CBLB: variants seen among roughly 807,000 people sequenced by gnomAD.
CBLB encodes E3 ubiquitin-protein ligase CBL-B.
CBLB carries 31 observed loss-of-function variants against 104.9 expected under a neutral mutation model. That is an observed-to-expected ratio of 0.30 (90% CI 0.22 to 0.40). The LOEUF is 0.40. CBLB is among the 10% of genes least tolerant of loss of function. The probability of loss-of-function intolerance (pLI) is 1.00; values close to 1 mark genes in which losing one functional copy is unlikely to be tolerated. For missense variants in CBLB, 1,062 were observed against 1,214.6 expected, an observed-to-expected ratio of 0.87 and a Z score of 1.87; for synonymous variants, 440 against 422.6, an observed-to-expected ratio of 1.04 and a Z score of -0.51.
chr3:105,807,776 T>A (rs947250676), intron 3 of CBLB, among the ~76,000 whole-genome samples: 1 of 152,258 alleles, frequency 6.6e-6, no homozygotes, highest in South Asian at 2.1e-4. Context: ...TCTTTTGAAG[T>A]AGAATCGTAT....
intron 3 of CBLB, among the ~76,000 whole-genome samples, chr3:105,849,465 T>C (rs2090680101): frequency 6.6e-6 from 1 of 152,094 alleles, no homozygotes; most frequent in African/African-American, 2.4e-5. Context: ...ACAGAATGAG[T>C]GACCTCATTG....
rs529192140 is a variant in CBLB, at chr3:105,851,424, T to A, written c.419+1990A>T. Among the ~76,000 whole-genome samples the A allele has an allele frequency of 9.4e-4, 143 of 152,282 alleles. 1 individual carries two copies. Among genetic ancestry groups the A allele is most frequent in the African/African-American group, 3.1e-3 (127 of 41,570 alleles). ...AGATCACGGGGCATTTTTAGGGCAG[T>A]GAAACAATTCTATATAACACTGTAA... is the stretch of plus-strand genomic sequence containing the variant. On this transcript the variant is annotated intron_variant, in intron 3 of 18. Transcript: ENST00000394030.
chr3:105,853,711 C>A, intron 2 of CBLB, 47 bp from the exon 3 acceptor site: 1 of 1,363,620 alleles, frequency 7.3e-7, no homozygotes, highest in Non-Finnish European at 1.0e-6. Flanking sequence ...TTTTATTTCA[C>A]AGAAAAATTA....
At chr3:105,780,653 G>GTTTTTTTT (rs1245925965) in intron 3 of CBLB, among the ~76,000 whole-genome samples, 17,831 of 83,726 alleles carry the variant, frequency 0.21, 1,218 homozygotes, top group Admixed American at 0.32. Context: ...TAAAAGTTTT[G>GTTTTTTTT]TTTTTTGTTT....
chr3:105,827,227 C>T (rs2086721836), intron 3 of CBLB, among the ~76,000 whole-genome samples: 1 of 32,132 alleles, frequency 3.1e-5, no homozygotes, highest in Non-Finnish European at 1.2e-4. Context: ...ATATTCCATC[C>T]CCAGAGTAAA....
At position 105,811,468 on chromosome 3, in the gene CBLB, T is replaced by G. The variant is rs560577314; in HGVS notation, c.420-34926A>C. ...AAACTTCTATTATCTTAAAAATGAC[T>G]GGCCTACACACACACATACACTCTC... On this transcript the variant is annotated intron_variant, in intron 3 of 18. Transcript: ENST00000394030. Among the ~76,000 whole-genome samples, 6 of 152,294 alleles carry G rather than the reference T, an allele frequency of 3.9e-5. No homozygotes were observed. In the South Asian group the frequency reaches 1.2e-3, roughly 32 times the overall value.
At chr3:105,819,729 G>T (rs185243498) in intron 3 of CBLB, among the ~76,000 whole-genome samples, 1 of 152,104 alleles carries the variant, frequency 6.6e-6, no homozygotes, top group Admixed American at 6.5e-5. Flanking sequence ...CTTACATAGA[G>T]AGTCTCAAAC....
intron 10 of CBLB, among the ~76,000 whole-genome samples, chr3:105,704,851 T>C (rs2069830710): frequency 6.6e-6 from 1 of 152,166 alleles, no homozygotes. Flanking sequence ...GTAGATAAAG[T>C]AGCATCGAAA....
chr3:105,828,041 C>G (rs1406875033), intron 3 of CBLB, among the ~76,000 whole-genome samples: 2 of 152,312 alleles, frequency 1.3e-5, no homozygotes, highest in East Asian at 3.9e-4. Context: ...CAAAGCAGCT[C>G]TAGTCTATGG....
intron 3 of CBLB, among the ~76,000 whole-genome samples, chr3:105,795,167 C>T (rs1489793426): frequency 1.3e-5 from 2 of 152,138 alleles, no homozygotes; most frequent in African/African-American, 2.4e-5. Flanking sequence ...CCAACTCGGC[C>T]TCCGAAAGTG....
intron 3 of CBLB, among the ~76,000 whole-genome samples, chr3:105,850,363 T>C (rs1332732659): frequency 6.6e-6 from 1 of 152,108 alleles, no homozygotes; most frequent in African/African-American, 2.4e-5. Flanking sequence ...TTTACAACCC[T>C]ATGAGGCCAG....
chr3:105,698,841 T>C (rs1482416418), intron 12 of CBLB, among the ~76,000 whole-genome samples: 1 of 152,068 alleles, frequency 6.6e-6, no homozygotes, highest in Non-Finnish European at 1.5e-5. Flanking sequence ...CTTCACCCGC[T>C]CTCCTTTTCT....
chr3:105,811,399 C>T (rs2084274744), intron 3 of CBLB, among the ~76,000 whole-genome samples: 1 of 152,136 alleles, frequency 6.6e-6, no homozygotes, highest in Non-Finnish European at 1.5e-5. Flanking sequence ...ATTATTTCAC[C>T]TCATGGCCTG....
At chr3:105,780,653 G>GTTTTTTTTTTTTTTTTTTTTTT (rs1245925965) in intron 3 of CBLB, among the ~76,000 whole-genome samples, 5 of 84,680 alleles carry the variant, frequency 5.9e-5, no homozygotes, top group Admixed American at 1.3e-4. Context: ...TAAAAGTTTT[G>GTTTTTTTTTTTTTTTTTTTTTT]TTTTTTGTTT....
intron 3 of CBLB, among the ~76,000 whole-genome samples, chr3:105,787,966 A>C (rs1431441084): frequency 2.6e-5 from 4 of 152,244 alleles, no homozygotes; most frequent in African/African-American, 7.2e-5. Flanking sequence ...CACTGAAACC[A>C]TATGAAAAAT....
intron 3 of CBLB, among the ~76,000 whole-genome samples, chr3:105,786,463 G>A (rs6437616): frequency 0.17 from 25,936 of 151,980 alleles, 2,595 homozygotes; most frequent in Admixed American, 0.28. Context: ...GCTTTCAAAC[G>A]GAGAAGGCAT....
intron 2 of CBLB, among the ~76,000 whole-genome samples, chr3:105,859,541 G>T (rs1390390691): frequency 6.6e-6 from 1 of 151,864 alleles, no homozygotes; most frequent in African/African-American, 2.4e-5. Context: ...TGTAGTCCCA[G>T]GAACTTGGGA....
rs1408168771 is a variant in CBLB at position 105,681,597 on chromosome 3, A to G, written c.2310T>C (p.Asp770=). The change falls in exon 16 of 19, where the codon GAT becomes GAC. Residue 770 remains aspartate (D), a synonymous_variant. Transcript: ENST00000394030. ...GTAATGGCACGGGATCAGAGGCTGA[A>G]TCAAAAACATCTCCTAGAGGATAAC... ...LSIYLKGDVF[D]SASDPVPLPP... The G allele has an allele frequency of 1.2e-6, 2 of 1,614,080 alleles. No homozygotes were observed. The highest frequency in any genetic ancestry group is 1.7e-5 in the Admixed American group (1 of 60,002).
At chr3:105,680,427 A>G (rs2152725236) in intron 16 of CBLB, among the ~76,000 whole-genome samples, 1 of 152,362 alleles carries the variant, frequency 6.6e-6, no homozygotes, top group South Asian at 2.1e-4. Context: ...ATGCAAATAT[A>G]CAGATCCTTT....
Sources: allele counts gnomAD v4.1 joint callset (sites outside exome capture counted in the v4.1 genomes callset), GRCh38; gene constraint gnomAD v4.1.1; transcripts MANE v1.5; gene names NCBI Gene and HGNC (gene_info 2026-07-23, HGNC 2026-07-21).